MAGI2: variants seen among roughly 807,000 people sequenced by gnomAD.
MAGI2 encodes membrane associated guanylate kinase, WW and PDZ domain containing 2.
In MAGI2, 35 loss-of-function variants were observed where a neutral mutation model predicts 133.3. The observed-to-expected ratio is 0.26, with a 90% CI of 0.20 to 0.35. MAGI2 has a LOEUF of 0.35. Among genes scored for constraint, MAGI2 ranks in the 10% least tolerant of loss-of-function variants. The pLI, the probability that MAGI2 is intolerant of heterozygous loss-of-function variation, is 1.00. For missense variants in MAGI2, 1,636 were observed against 1,863.4 expected, an observed-to-expected ratio of 0.88 and a Z score of 2.25; for synonymous variants, 729 against 710.6, an observed-to-expected ratio of 1.03 and a Z score of -0.41.
chr7:78,979,244 A>G (rs943376434), intron 2 of MAGI2, among the ~76,000 whole-genome samples: 2 of 151,758 alleles, frequency 1.3e-5, no homozygotes, highest in Admixed American at 1.3e-4. Context: ...ATCCTCCAAT[A>G]AAAGGAACCA....
chr7:79,332,373 C>T (rs552887339), intron 1 of MAGI2, among the ~76,000 whole-genome samples: 1 of 152,142 alleles, frequency 6.6e-6, no homozygotes, highest in African/African-American at 2.4e-5. Flanking sequence ...TTCCTTTATC[C>T]CTGGTAGCTC....
chr7:79,384,882 G>A (rs571418354), intron 1 of MAGI2, among the ~76,000 whole-genome samples: 1 of 151,696 alleles, frequency 6.6e-6, no homozygotes, highest in Non-Finnish European at 1.5e-5. Flanking sequence ...TTATACAGAT[G>A]GAAATCTCAT....
intron 6 of MAGI2, among the ~76,000 whole-genome samples, chr7:78,446,727 T>A (rs1788182273): frequency 6.6e-6 from 1 of 152,030 alleles, no homozygotes; most frequent in South Asian, 2.1e-4. Flanking sequence ...TACTCACATA[T>A]GAACTAAAAA....
chr7:78,294,924 C>T (rs798343), intron 9 of MAGI2, among the ~76,000 whole-genome samples: 76,744 of 151,934 alleles, frequency 0.51, 21,749 homozygotes, highest in African/African-American at 0.75. Context: ...ATTAGAATAA[C>T]ATTGCTGCAT....
intron 10 of MAGI2, among the ~76,000 whole-genome samples, chr7:78,212,744 A>G (rs12672254): frequency 0.29 from 43,385 of 152,180 alleles, 6,920 homozygotes; most frequent in Admixed American, 0.35. Flanking sequence ...ACTAGATCTC[A>G]ACTGCTTACT....
chr7:78,343,206 T>C (rs1790572099), intron 9 of MAGI2, among the ~76,000 whole-genome samples: 1 of 152,212 alleles, frequency 6.6e-6, no homozygotes, highest in South Asian at 2.1e-4. Flanking sequence ...TGCCTCTGTA[T>C]TTCCACAAGA....
intron 10 of MAGI2, among the ~76,000 whole-genome samples, chr7:78,233,400 G>A (rs1790183107): frequency 6.6e-6 from 1 of 152,148 alleles, no homozygotes; most frequent in South Asian, 2.1e-4. Flanking sequence ...TCGACAAATA[G>A]AAAGTCAACA....
At chr7:78,555,169 T>TG (rs1378466333) in intron 3 of MAGI2, among the ~76,000 whole-genome samples, 7 of 58,774 alleles carry the variant, frequency 1.2e-4, no homozygotes, top group African/African-American at 2.3e-4. Context: ...AATAAATAAA[T>TG]AAATGAATGA....
chr7:78,179,555 A>G (rs916997863), intron 13 of MAGI2, among the ~76,000 whole-genome samples: 2 of 152,188 alleles, frequency 1.3e-5, no homozygotes, highest in African/African-American at 2.4e-5. Context: ...CTTTTAAATA[A>G]AGATGAATCA....
chr7:79,142,428 A>C (rs928948927), intron 1 of MAGI2, among the ~76,000 whole-genome samples: 1 of 152,196 alleles, frequency 6.6e-6, no homozygotes, highest in Admixed American at 6.5e-5. Flanking sequence ...TTTCTTTAAC[A>C]GGAAAAAATG....
chr7:79,253,237 G>A (rs977317773), intron 1 of MAGI2, among the ~76,000 whole-genome samples: 1 of 152,148 alleles, frequency 6.6e-6, no homozygotes, highest in African/African-American at 2.4e-5. Context: ...CTATTTTCAA[G>A]TTAGGACAGA....
At chr7:78,380,379 GT>G (rs1349488680) in intron 6 of MAGI2, among the ~76,000 whole-genome samples, 4 of 152,080 alleles carry the variant, frequency 2.6e-5, no homozygotes, top group African/African-American at 9.7e-5. Context: ...TAAAGAAGAT[GT>G]GCTATATATA....
At chr7:78,822,354 G>A (rs1016565208) in intron 2 of MAGI2, among the ~76,000 whole-genome samples, 2 of 151,826 alleles carry the variant, frequency 1.3e-5, no homozygotes, top group Non-Finnish European at 2.9e-5. Context: ...AACTTTTATG[G>A]GAAATTTTGG....
At chr7:78,163,428 C>T (rs891923613) in intron 15 of MAGI2, among the ~76,000 whole-genome samples, 14 of 152,208 alleles carry the variant, frequency 9.2e-5, no homozygotes, top group East Asian at 3.9e-4. Flanking sequence ...CGTGAGCCAC[C>T]GTGCCTGGCC....
chr7:78,853,706 G>A (rs1445242441), intron 2 of MAGI2, among the ~76,000 whole-genome samples: 1 of 151,804 alleles, frequency 6.6e-6, no homozygotes, highest in Non-Finnish European at 1.5e-5. Flanking sequence ...TCTGAATCTT[G>A]CCTTCTAAAA....
At chr7:78,859,234 T>G (rs1421096484) in intron 2 of MAGI2, among the ~76,000 whole-genome samples, 2 of 152,222 alleles carry the variant, frequency 1.3e-5, no homozygotes, top group Non-Finnish European at 2.9e-5. Flanking sequence ...ATTTAGCCCA[T>G]TTACATTTAA....
intron 3 of MAGI2, among the ~76,000 whole-genome samples, chr7:78,546,244 C>T (rs1016886305): frequency 9.2e-5 from 14 of 152,124 alleles, no homozygotes; most frequent in Non-Finnish European, 1.6e-4. Context: ...CAGATAGGTA[C>T]TCCCTAGTTA....
chr7:78,671,852 A>G (rs1420949355), intron 2 of MAGI2, among the ~76,000 whole-genome samples: 1 of 152,224 alleles, frequency 6.6e-6, no homozygotes, highest in Admixed American at 6.6e-5. Context: ...TCTAGGAAAT[A>G]TAAAAATGAA....
chr7:78,218,415 G>A (rs140481779), intron 10 of MAGI2, among the ~76,000 whole-genome samples: 147 of 152,284 alleles, frequency 9.7e-4, no homozygotes, highest in African/African-American at 3.4e-3. Context: ...ATAACACCAT[G>A]TTTTATTTTG....
Sources: allele counts gnomAD v4.1 joint callset (sites outside exome capture counted in the v4.1 genomes callset), GRCh38; gene constraint gnomAD v4.1.1; transcripts MANE v1.5; gene names NCBI Gene and HGNC (gene_info 2026-07-23, HGNC 2026-07-21).